SH3RF2: variants seen among roughly 807,000 people sequenced by gnomAD.
SH3RF2 encodes E3 ubiquitin-protein ligase SH3RF2.
In SH3RF2, 43 loss-of-function variants were observed where a neutral mutation model predicts 59.0. The observed-to-expected ratio is 0.73, with a 90% CI of 0.57 to 0.94. The LOEUF (loss-of-function observed/expected upper bound fraction) is 0.94, where lower values mean the gene tolerates loss of function less well. Ranked by LOEUF, SH3RF2 falls within the 40% of genes least tolerant of loss-of-function variation. SH3RF2 has a pLI of 0.00. For synonymous variants in SH3RF2, 391 were observed against 391.5 expected (o/e 1.00, Z 0.01); for missense variants, 930 against 940.1 (o/e 0.99, Z 0.14).
intron 4 of SH3RF2, among the ~76,000 whole-genome samples, chr5:146,005,015 A>T (rs1417618901): frequency 1.3e-5 from 2 of 152,186 alleles, no homozygotes; most frequent in Non-Finnish European, 2.9e-5. Context: ...AAAGGACTAG[A>T]GAAGGATATG....
At chr5:145,996,071 G>T (rs1433715300) in intron 2 of SH3RF2, among the ~76,000 whole-genome samples, 1 of 151,996 alleles carries the variant, frequency 6.6e-6, no homozygotes, top group Non-Finnish European at 1.5e-5. Flanking sequence ...TCACCCCTGG[G>T]GTCTCCTTAC....
At chr5:146,075,898 C>G (rs1332470038) in intron 9 of SH3RF2, among the ~76,000 whole-genome samples, 1 of 151,128 alleles carries the variant, frequency 6.6e-6, no homozygotes, top group South Asian at 2.1e-4. Context: ...TCTGAGTGCT[C>G]AGTAAACAAA....
chr5:146,016,354 A>AGATG (rs68055522), intron 5 of SH3RF2, among the ~76,000 whole-genome samples: 36,080 of 143,724 alleles, frequency 0.25, 5,281 homozygotes, highest in Non-Finnish European at 0.32. Flanking sequence ...GTAGGTAAGT[A>AGATG]GATGGATGGA....
chr5:146,076,800 C>T (rs575887709), intron 9 of SH3RF2, among the ~76,000 whole-genome samples: 1 of 152,240 alleles, frequency 6.6e-6, no homozygotes, highest in East Asian at 1.9e-4. Context: ...AGCCAAAGAT[C>T]TTAGTTCTGC....
chr5:145,945,398 T>C (rs956203581), intron 2 of SH3RF2, among the ~76,000 whole-genome samples: 29 of 152,216 alleles, frequency 1.9e-4, no homozygotes, highest in African/African-American at 7.0e-4. Context: ...CATTTTTGTA[T>C]GTAAATTATA....
chr5:145,958,134 A>C (rs1484745661), intron 2 of SH3RF2, among the ~76,000 whole-genome samples: 2 of 150,972 alleles, frequency 1.3e-5, no homozygotes, highest in African/African-American at 2.5e-5. Flanking sequence ...ACAAAAAAAC[A>C]AAACAAAACA....
At chr5:146,065,347 T>C (rs1461281164), downstream of SH3RF2, among the ~76,000 whole-genome samples, 1 of 152,362 alleles carries the variant, frequency 6.6e-6, no homozygotes, top group East Asian at 1.9e-4. Flanking sequence ...TATAAGTACC[T>C]ATACCTCATC....
In SH3RF2 at chr5:146,004,572, A is replaced by G. The variant is rs528578347; in HGVS notation, c.744+419A>G. 2.4e-4 allele frequency among the ~76,000 whole-genome samples: 37 copies of G among 152,302 alleles called. No individual in the cohort carries two copies. The South Asian group carries it at 7.0e-3, about 29-fold the overall frequency. ...TTATGAAAAAACAGAAATACTCTAA[A>G]TATTCAACAATAAGGAGTTCATTTT... On this transcript the variant is annotated intron_variant, in intron 4 of 9. Coordinates refer to ENST00000359120, the MANE Select transcript of SH3RF2 (RefSeq NM_152550.4).
intron 2 of SH3RF2, among the ~76,000 whole-genome samples, chr5:145,938,818 A>C (rs180948714): frequency 1.9e-4 from 29 of 152,370 alleles, no homozygotes; most frequent in Non-Finnish European, 3.7e-4. Context: ...CCAAGCTATC[A>C]AGATACTTGA....
chr5:145,967,590 C>A (rs1375348431), intron 2 of SH3RF2, among the ~76,000 whole-genome samples: 2 of 152,198 alleles, frequency 1.3e-5, no homozygotes, highest in African/African-American at 4.8e-5. Flanking sequence ...GTGGGACTGT[C>A]TCTATCTTTT....
chr5:146,047,071 A>T (rs1024508199), intron 5 of SH3RF2, among the ~76,000 whole-genome samples: 1 of 152,046 alleles, frequency 6.6e-6, no homozygotes, highest in African/African-American at 2.4e-5. Flanking sequence ...AGGAGCTTTT[A>T]TCATTTTATC....
At chr5:146,008,405 T>C (rs1265295091) in intron 4 of SH3RF2, among the ~76,000 whole-genome samples, 1 of 152,216 alleles carries the variant, frequency 6.6e-6, no homozygotes, top group Non-Finnish European at 1.5e-5. Flanking sequence ...TATTTCATTA[T>C]AGCCAAGAAT....
chr5:145,959,504 C>T (rs940643446), intron 2 of SH3RF2, among the ~76,000 whole-genome samples: 6 of 151,994 alleles, frequency 3.9e-5, no homozygotes, highest in African/African-American at 1.5e-4. Flanking sequence ...GCCTTAACTC[C>T]CCTTGTTTAT....
chr5:146,055,752 C>G (rs963628959), intron 7 of SH3RF2: 6 of 572,818 alleles, frequency 1.0e-5, no homozygotes, highest in Admixed American at 6.3e-5. Flanking sequence ...TTGATATGAG[C>G]CCCCCTTCCT....
intron 5 of SH3RF2, among the ~76,000 whole-genome samples, chr5:146,032,599 G>C (rs140889967): frequency 6.0e-4 from 91 of 152,336 alleles, no homozygotes; most frequent in African/African-American, 2.1e-3. Flanking sequence ...GGTGACACTA[G>C]GTGTGGTGAC....
chr5:145,999,462 T>C (rs1760303828), intron 2 of SH3RF2, among the ~76,000 whole-genome samples: 2 of 152,242 alleles, frequency 1.3e-5, no homozygotes, highest in African/African-American at 4.8e-5. Context: ...GCTTTTGGCC[T>C]ATCTCAGCTT....
At chr5:145,950,328 A>C (rs992177125) in intron 2 of SH3RF2, among the ~76,000 whole-genome samples, 1 of 152,150 alleles carries the variant, frequency 6.6e-6, no homozygotes, top group African/African-American at 2.4e-5. Flanking sequence ...TTGCAACCTC[A>C]TGGAGCCCTG....
At chr5:146,033,451 C>CTTTTTTTTTTTTT (rs558717056) in intron 5 of SH3RF2, among the ~76,000 whole-genome samples, 6 of 71,852 alleles carry the variant, frequency 8.4e-5, no homozygotes, top group Non-Finnish European at 1.4e-4. Context: ...TAGCCCTTAG[C>CTTTTTTTTTTTTT]TTTTTTTTTT....
At chr5:145,963,097 C>T (rs571074479) in intron 2 of SH3RF2, among the ~76,000 whole-genome samples, 120 of 151,810 alleles carry the variant, frequency 7.9e-4, no homozygotes, top group African/African-American at 2.9e-3. Context: ...TGGAGTTTCA[C>T]CATGTTCGCC....
Sources: allele counts gnomAD v4.1 joint callset (sites outside exome capture counted in the v4.1 genomes callset), GRCh38; gene constraint gnomAD v4.1.1; transcripts MANE v1.5; gene names NCBI Gene and HGNC (gene_info 2026-07-23, HGNC 2026-07-21).